The following UBR3 variants were observed in gnomAD, a reference collection of about 807,000 sequenced individuals.
The protein encoded by UBR3 is E3 ubiquitin-protein ligase UBR3.
In UBR3, 85 loss-of-function variants were observed where a neutral mutation model predicts 243.2. That is an observed-to-expected ratio of 0.35 (90% CI 0.29 to 0.42). UBR3 has a LOEUF of 0.42. UBR3 is among the 10% of genes least tolerant of loss of function. The pLI is 1.00. For synonymous variants in UBR3, 748 were observed against 799.8 expected (o/e 0.94, Z 1.09); for missense variants, 1,686 against 2,300.8 (o/e 0.73, Z 5.47).
chr2:170,052,288 G>A lies in UBR3; in HGVS notation c.4661-3172G>A, dbSNP rs559427191. On this transcript the variant is annotated intron_variant, in intron 32 of 38. Transcript: ENST00000272793. Reference sequence around the variant, plus strand: ...GTTCTGGGCATCCTGAAACTGTATGGAGGTTCCTCAAAAAACTAAAATAGA... The same window carrying A: ...GTTCTGGGCATCCTGAAACTGTATGAAGGTTCCTCAAAAAACTAAAATAGA... Among the ~76,000 whole-genome samples the A allele has an allele frequency of 7.9e-5, 12 of 152,200 alleles. No homozygotes were observed. The East Asian group carries it at 2.3e-3, about 29-fold the overall frequency.
chr2:169,938,851 A>G (rs1292588509), intron 19 of UBR3, among the ~76,000 whole-genome samples: 2 of 152,174 alleles, frequency 1.3e-5, no homozygotes, highest in South Asian at 4.1e-4. Context: ...GCTGTGAGGT[A>G]GTGGTCCAAC....
chr2:170,078,488 T>C (rs1339306211), intron 36 of UBR3, among the ~76,000 whole-genome samples: 1 of 152,214 alleles, frequency 6.6e-6, no homozygotes, highest in Non-Finnish European at 1.5e-5. Context: ...GTGAAAAAGG[T>C]CACCCATATA....
rs1211747931 is a variant in UBR3, at chr2:169,971,249, C to T, written c.3634+12723C>T. On this transcript the variant is annotated intron_variant, in intron 24 of 38. Transcript: ENST00000272793. ...AGCCCTTTGTCAGGTGAGTAGGTTGCGAAAATTTTCTCCCATTCTGTAGGT... is the reference window on the plus strand; with the variant it reads ...AGCCCTTTGTCAGGTGAGTAGGTTGTGAAAATTTTCTCCCATTCTGTAGGT... Among the ~76,000 whole-genome samples the T allele has an allele frequency of 3.7e-3, 558 of 150,562 alleles. 1 individual carries two copies. Among genetic ancestry groups the T allele is most frequent in the Admixed American group, 5.5e-3 (83 of 15,084 alleles).
intron 23 of UBR3, 103 bp from the exon 24 acceptor site, chr2:169,958,335 C>T: frequency 1.1e-6 from 1 of 908,654 alleles, no homozygotes; most frequent in East Asian, 2.5e-5. Flanking sequence ...AGATTGTTCT[C>T]ACCTGTGTGC....
chr2:169,841,719 G>A (rs1159719588), intron 1 of UBR3, among the ~76,000 whole-genome samples: 2 of 152,212 alleles, frequency 1.3e-5, no homozygotes, highest in African/African-American at 2.4e-5. Flanking sequence ...CAGCAGTGCC[G>A]GCCCACCGGC....
At chr2:170,025,812 T>C (rs1485008477) in intron 30 of UBR3, among the ~76,000 whole-genome samples, 2 of 152,148 alleles carry the variant, frequency 1.3e-5, no homozygotes, top group African/African-American at 2.4e-5. Flanking sequence ...GTTGTTTGCA[T>C]GGGTAGTGGT....
intron 1 of UBR3, among the ~76,000 whole-genome samples, chr2:169,857,364 G>A (rs2082922605): frequency 6.6e-6 from 1 of 151,706 alleles, no homozygotes; most frequent in Non-Finnish European, 1.5e-5. Context: ...CACTGCGCCC[G>A]GCCCCATTGT....
chr2:169,993,856 T>C (rs2089384736), intron 25 of UBR3, among the ~76,000 whole-genome samples: 1 of 152,188 alleles, frequency 6.6e-6, no homozygotes, highest in Admixed American at 6.5e-5. Context: ...CTCCAGGTCT[T>C]TATAAATCTG....
chr2:169,958,557 A>C, intron 24 of UBR3, 31 bp downstream of exon 24: 54 of 1,573,000 alleles, frequency 3.4e-5, no homozygotes, highest in Non-Finnish European at 4.2e-5. Context: ...TAGAACTCTC[A>C]TAATTATACT....
intron 23 of UBR3, among the ~76,000 whole-genome samples, chr2:169,951,883 G>C (rs959281647): frequency 2.0e-5 from 3 of 152,152 alleles, no homozygotes; most frequent in Non-Finnish European, 2.9e-5. Context: ...GAGATGTCTT[G>C]AATGGTGCCC....
At chr2:170,014,640 C>T (rs575484676) in intron 29 of UBR3, among the ~76,000 whole-genome samples, 2 of 151,834 alleles carry the variant, frequency 1.3e-5, no homozygotes, top group African/African-American at 4.8e-5. Context: ...TGCTAAATAC[C>T]TTGCAATTTC....
At chr2:169,990,807 A>G (rs2089243504) in intron 25 of UBR3, among the ~76,000 whole-genome samples, 1 of 152,168 alleles carries the variant, frequency 6.6e-6, no homozygotes, top group African/African-American at 2.4e-5. Flanking sequence ...TAATTACAGA[A>G]GAAGGCAGTA....
chr2:170,035,801 A>C (rs550011629), intron 31 of UBR3, among the ~76,000 whole-genome samples: 1 of 150,000 alleles, frequency 6.7e-6, no homozygotes, highest in African/African-American at 2.5e-5. Flanking sequence ...AACATGGACT[A>C]TCTCTCTCCA....
chr2:169,987,885 G>GT (rs75447966), intron 25 of UBR3, among the ~76,000 whole-genome samples: 31,082 of 151,922 alleles, frequency 0.2, 3,555 homozygotes, highest in East Asian at 0.37. Flanking sequence ...GGCCAAATAT[G>GT]TTTTTTTCTT....
At chr2:169,869,788 C>T (rs2083379761) in intron 1 of UBR3, among the ~76,000 whole-genome samples, 1 of 152,056 alleles carries the variant, frequency 6.6e-6, no homozygotes, top group Admixed American at 6.6e-5. Flanking sequence ...AGCATCTTTC[C>T]ATTTGTTTAT....
chr2:170,064,788 C>A (rs1250500305), intron 35 of UBR3, among the ~76,000 whole-genome samples: 3 of 127,606 alleles, frequency 2.4e-5, no homozygotes, highest in African/African-American at 5.9e-5. Context: ...TTCTTGACGT[C>A]TTTTTGCTTT....
At chr2:169,961,007 T>C (rs1574291048) in intron 24 of UBR3, among the ~76,000 whole-genome samples, 2 of 152,156 alleles carry the variant, frequency 1.3e-5, no homozygotes, top group South Asian at 4.1e-4. Context: ...TTTGTTTCTA[T>C]ATGGACCATG....
chr2:169,934,360 A>G (rs569453850), intron 19 of UBR3, among the ~76,000 whole-genome samples: 1 of 152,284 alleles, frequency 6.6e-6, no homozygotes, highest in Non-Finnish European at 1.5e-5. Flanking sequence ...TTTACTTTGT[A>G]GTTACTAGAA....
intron 34 of UBR3, 26 bp downstream of exon 34, chr2:170,061,212 A>G: frequency 6.3e-7 from 1 of 1,582,072 alleles, no homozygotes; most frequent in Non-Finnish European, 8.6e-7. Context: ...AATCAGATGT[A>G]GCGGTTATTT....
Sources: gnomAD v4.1 joint callset for allele counts (sites outside exome capture counted in the v4.1 genomes callset) on GRCh38, gnomAD v4.1.1 for gene constraint, MANE v1.5 for transcripts, NCBI Gene and HGNC (gene_info 2026-07-23, HGNC 2026-07-21) for gene names.